The following RABGAP1L variants were observed in gnomAD, a reference collection of about 807,000 sequenced individuals.
The protein encoded by RABGAP1L is RAB GTPase activating protein 1 like.
A neutral mutation model predicts 137.7 loss-of-function variants in RABGAP1L; 63 were observed. The observed-to-expected ratio is 0.46, with a 90% CI of 0.37 to 0.56. The LOEUF (loss-of-function observed/expected upper bound fraction) is 0.56. Among genes scored for constraint, RABGAP1L ranks in the 20% least tolerant of loss-of-function variants. The probability of loss-of-function intolerance (pLI) is 0.00; values close to 1 mark genes in which losing one functional copy is unlikely to be tolerated. For synonymous variants in RABGAP1L, 431 were observed against 433.7 expected (o/e 0.99, Z 0.08); for missense variants, 1,095 against 1,244.0 (o/e 0.88, Z 1.80).
Position 174,992,137 on chromosome 1 carries a change from A to G in RABGAP1L, c.*2136A>G, listed in dbSNP as rs1486640592. 1 of 152,186 alleles carries G rather than the reference A, an allele frequency of 6.6e-6. No homozygotes were observed. Among genetic ancestry groups the G allele is most frequent in the African/African-American group, 2.4e-5 (1 of 41,392 alleles). The allele number at this position is 152,186 out of a possible 1,614,324, so 9.4% of individuals were successfully genotyped here. On this transcript the variant is annotated 3_prime_UTR_variant, in exon 26 of 26. Coordinates refer to ENST00000681986, the MANE Select transcript of RABGAP1L (RefSeq NM_001366446.1). The stretch of plus-strand genomic sequence containing the variant: ...CATAGTCCCTTTCCTTTTAAAGAGG[A>G]GAAGAGAAAAATCCCCCCTGGCCAG...
chr1:174,884,585 T>C (rs532850949), intron 19 of RABGAP1L, among the ~76,000 whole-genome samples: 4 of 152,362 alleles, frequency 2.6e-5, no homozygotes, highest in South Asian at 2.1e-4. Context: ...ATCATTTGGT[T>C]GATCAGTTCT....
intron 17 of RABGAP1L, among the ~76,000 whole-genome samples, chr1:174,703,268 T>C (rs1679794955): frequency 6.6e-6 from 1 of 152,170 alleles, no homozygotes; most frequent in African/African-American, 2.4e-5. Flanking sequence ...CCTACCCCCC[T>C]CTCACTGTCC....
chr1:174,603,637 A>T (rs1001301461), intron 13 of RABGAP1L, among the ~76,000 whole-genome samples: 3 of 152,046 alleles, frequency 2.0e-5, no homozygotes, highest in Non-Finnish European at 4.4e-5. Context: ...AGCCTGTTGT[A>T]ATGGCCACCA....
At chr1:174,652,603 G>T (rs988080814) in intron 14 of RABGAP1L, among the ~76,000 whole-genome samples, 2 of 152,196 alleles carry the variant, frequency 1.3e-5, no homozygotes, top group African/African-American at 4.8e-5. Flanking sequence ...TCCAGACCTT[G>T]TTTGCCTGCG....
In RABGAP1L at chr1:174,854,715, C is replaced by CTTTTTTTTTTTTTTTTTTTTTTT. The variant is rs71117584; in HGVS notation, c.2340+42778_2340+42800dup. Among the ~76,000 whole-genome samples, 13 of 56,868 alleles carry CTTTTTTTTTTTTTTTTTTTTTTT rather than the reference C, an allele frequency of 2.3e-4. 4 individuals are homozygous for CTTTTTTTTTTTTTTTTTTTTTTT. Among genetic ancestry groups the CTTTTTTTTTTTTTTTTTTTTTTT allele is most frequent in the Non-Finnish European group, 4.1e-4 (12 of 29,356 alleles). 37.3% of individuals were successfully genotyped at this position (56,868 alleles called of 152,430 possible). A position where few individuals can be genotyped will look rare whatever the true frequency, so the allele number is the denominator to read the frequency against. ...AACTGCAATAGACTCAATATAAATG[C>CTTTTTTTTTTTTTTTTTTTTTTT]TTTTTTTTTTTTTTTTTTTTTTTTT... On this transcript the variant is annotated intron_variant, in intron 19 of 25. Transcript: ENST00000681986.
At chr1:174,959,076 CA>C (rs1430201653) in intron 20 of RABGAP1L, among the ~76,000 whole-genome samples, 1 of 152,112 alleles carries the variant, frequency 6.6e-6, no homozygotes, top group Non-Finnish European at 1.5e-5. Flanking sequence ...CAAGTATTGC[CA>C]ACCAATAATC....
At chr1:174,953,057 T>G (rs1486714844) in intron 19 of RABGAP1L, among the ~76,000 whole-genome samples, 2 of 140,204 alleles carry the variant, frequency 1.4e-5, no homozygotes, top group Non-Finnish European at 1.5e-5. Context: ...AAAAAAGAAC[T>G]AATGCATGTG....
chr1:174,162,685 T>A (rs1236970735), intron 1 of RABGAP1L, among the ~76,000 whole-genome samples: 1 of 151,572 alleles, frequency 6.6e-6, no homozygotes, highest in South Asian at 2.1e-4. Context: ...TCTTGACTTA[T>A]ATAAATGGGT....
chr1:174,733,962 T>C (rs1682723917), intron 17 of RABGAP1L, among the ~76,000 whole-genome samples: 1 of 152,206 alleles, frequency 6.6e-6, no homozygotes, highest in Non-Finnish European at 1.5e-5. Context: ...ATTTGGGATA[T>C]GTTTACCAAG....
rs755199573 is a variant in RABGAP1L, at chr1:174,448,341, G to A, written c.1710+54196G>A. ...CCACTGTTACATCATTATACTACCA[G>A]CTATTTCATTCAGACGATGGCATAT... On this transcript the variant is annotated intron_variant, in intron 13 of 25. Transcript: ENST00000681986. The surrounding 1 kb of genome is among the most constrained non-coding windows in gnomAD (Gnocchi z 4.2). The A allele has an allele frequency of 2.5e-6, 4 of 1,613,820 alleles. No homozygotes were observed. The highest frequency in any genetic ancestry group is 3.4e-6 in the Non-Finnish European group (4 of 1,179,784).
At chr1:174,623,843 A>C (rs527857271) in intron 13 of RABGAP1L, among the ~76,000 whole-genome samples, 1 of 152,266 alleles carries the variant, frequency 6.6e-6, no homozygotes, top group African/African-American at 2.4e-5. Flanking sequence ...ATGATGTTCC[A>C]TGGGCTAGAA....
intron 18 of RABGAP1L, among the ~76,000 whole-genome samples, chr1:174,775,324 T>C (rs902935570): frequency 4.0e-5 from 6 of 151,836 alleles, no homozygotes; most frequent in African/African-American, 9.7e-5. Flanking sequence ...CTTTTTTTTT[T>C]TTTTTTGAGA....
chr1:174,820,941 C>T (rs999607805), intron 19 of RABGAP1L, among the ~76,000 whole-genome samples: 4 of 151,112 alleles, frequency 2.6e-5, no homozygotes, highest in Admixed American at 6.6e-5. Context: ...TGCTGGAGTC[C>T]GGGAGGTGGA....
chr1:174,216,136 A>C (rs1669301758), intron 1 of RABGAP1L, among the ~76,000 whole-genome samples: 1 of 152,182 alleles, frequency 6.6e-6, no homozygotes, highest in South Asian at 2.1e-4. Flanking sequence ...TGATTACCAG[A>C]AGCTGAAAAG....
intron 13 of RABGAP1L, among the ~76,000 whole-genome samples, chr1:174,608,744 A>C (rs1670968661): frequency 1.3e-5 from 2 of 152,178 alleles, no homozygotes; most frequent in African/African-American, 4.8e-5. Flanking sequence ...ATATGGGAAC[A>C]AAATAGTGCT....
intron 13 of RABGAP1L, among the ~76,000 whole-genome samples, chr1:174,511,626 GT>G (rs774802995): frequency 3.2e-4 from 45 of 139,892 alleles, no homozygotes; most frequent in Admixed American, 5.7e-4. Flanking sequence ...TCTTTCTTTT[GT>G]TTTTTTTTTT....
rs1342274875 is a variant in RABGAP1L, at chr1:174,761,180, CAA to C, written c.2211+8828_2211+8829del. ...CACATCCAACATGGATGGCAGCAGACAAAGAGAGAGGGCTTGTGTAGGGAAAC... is the reference window on the plus strand; with the variant it reads ...CACATCCAACATGGATGGCAGCAGACAGAGAGAGGGCTTGTGTAGGGAAAC... On this transcript the variant is annotated intron_variant, in intron 18 of 25. Coordinates refer to ENST00000681986, the MANE Select transcript of RABGAP1L (RefSeq NM_001366446.1). This position sits in a 1 kb window ranked among gnomAD's most constrained non-coding sequence, Gnocchi z 4.0. 1.3e-5 allele frequency among the ~76,000 whole-genome samples: 2 copies of C among 152,196 alleles called. No individual in the cohort carries two copies. The highest frequency in any genetic ancestry group is 2.9e-5 in the Non-Finnish European group (2 of 68,030).
chr1:174,690,255 T>C (rs2148495893), intron 15 of RABGAP1L, among the ~76,000 whole-genome samples: 1 of 152,330 alleles, frequency 6.6e-6, no homozygotes, highest in East Asian at 1.9e-4. Context: ...TTTAGTTTCT[T>C]GTTATCATCC....
chr1:174,967,167 CTTTTT>C (rs538764662), intron 20 of RABGAP1L, among the ~76,000 whole-genome samples: 1 of 139,748 alleles, frequency 7.2e-6, no homozygotes. Context: ...TTCTTTCTTT[CTTTTT>C]TTTTTTTTTG....
Sources: allele counts gnomAD v4.1 joint callset (sites outside exome capture counted in the v4.1 genomes callset), GRCh38; gene constraint gnomAD v4.1.1; non-coding constraint Gnocchi (gnomAD v3.1); transcripts MANE v1.5; gene names NCBI Gene and HGNC (gene_info 2026-07-23, HGNC 2026-07-21).